The following DLEU7 variants were observed in gnomAD, a reference collection of about 807,000 sequenced individuals.
The protein encoded by DLEU7 is leukemia-associated protein 7.
In DLEU7, 17 loss-of-function variants were observed where a neutral mutation model predicts 16.0. The ratio of observed to expected loss-of-function variants is 1.06; its 90% CI spans 0.73 to 1.59. The LOEUF is 1.59. Ranked by LOEUF, DLEU7 falls within the 40% of genes most tolerant of loss-of-function variation. DLEU7 has a pLI of 0.00. For missense variants in DLEU7, 308 were observed against 314.9 expected (o/e 0.98, Z 0.17); for synonymous variants, 113 against 139.8 (o/e 0.81, Z 1.35).
intron 1 of DLEU7, chr13:50,807,882 A>G (rs1439805788): frequency 6.6e-6 from 1 of 152,200 alleles, no homozygotes; most frequent in Admixed American, 6.5e-5. Flanking sequence ...ATGAAGAGGC[A>G]TAAGGACTGA....
chr13:50,772,760 C>T (rs1335593304), intron 1 of DLEU7, among the ~76,000 whole-genome samples: 4 of 152,110 alleles, frequency 2.6e-5, no homozygotes, highest in African/African-American at 4.8e-5. Flanking sequence ...TTGCTCTTCT[C>T]GAGGAGTATC....
At chr13:50,756,571 G>A (rs975816208) in intron 1 of DLEU7, among the ~76,000 whole-genome samples, 1 of 152,128 alleles carries the variant, frequency 6.6e-6, no homozygotes, top group African/African-American at 2.4e-5. Flanking sequence ...ACTGTGACCC[G>A]CTAACAACCC....
intron 1 of DLEU7, among the ~76,000 whole-genome samples, chr13:50,752,394 C>T (rs900177862): frequency 6.6e-6 from 1 of 152,034 alleles, no homozygotes; most frequent in Admixed American, 6.6e-5. Flanking sequence ...TATGAACTTT[C>T]CACTTAGCAC....
At chr13:50,719,823 A>G (rs1873545269) in intron 1 of DLEU7, 1 of 152,176 alleles carries the variant, frequency 6.6e-6, no homozygotes, top group African/African-American at 2.4e-5. Flanking sequence ...AGAAAAATGG[A>G]ATGAATTGAA....
exon 2 of DLEU7, chr13:50,712,977 G>A (rs943492795): frequency 1.9e-6 from 1 of 518,776 alleles, no homozygotes; most frequent in Admixed American, 3.4e-5. Context: ...ATTACTTGGA[G>A]GTGAGAGAGG....
intron 1 of DLEU7, among the ~76,000 whole-genome samples, chr13:50,735,003 A>G (rs1030355453): frequency 6.6e-6 from 1 of 152,186 alleles, no homozygotes; most frequent in African/African-American, 2.4e-5. Flanking sequence ...TGTCATGACT[A>G]TATTAACATC....
At chr13:50,746,403 C>T (rs759804161) in intron 1 of DLEU7, among the ~76,000 whole-genome samples, 103 of 152,232 alleles carry the variant, frequency 6.8e-4, no homozygotes, top group Admixed American at 2.8e-3. Flanking sequence ...CTTTTACTTC[C>T]GAATCAGCTA....
At chr13:50,834,277 T>C (rs1464394308) in intron 1 of DLEU7, among the ~76,000 whole-genome samples, 10 of 152,156 alleles carry the variant, frequency 6.6e-5, no homozygotes. Context: ...GAGAAAATTT[T>C]TGCAATCTAT....
chr13:50,763,708 CT>C (rs549121110), intron 1 of DLEU7, among the ~76,000 whole-genome samples: 13 of 152,350 alleles, frequency 8.5e-5, no homozygotes, highest in South Asian at 2.1e-4. Flanking sequence ...CCAATCCTAG[CT>C]CCCGGATCTG....
At chr13:50,828,834 G>T (rs1377090353) in intron 1 of DLEU7, among the ~76,000 whole-genome samples, 1 of 152,186 alleles carries the variant, frequency 6.6e-6, no homozygotes, top group Non-Finnish European at 1.5e-5. Context: ...AGGACCACCT[G>T]CGAGCTAGGT....
intron 1 of DLEU7, among the ~76,000 whole-genome samples, chr13:50,765,449 G>A (rs1447970407): frequency 6.6e-6 from 1 of 152,028 alleles, no homozygotes; most frequent in Non-Finnish European, 1.5e-5. Context: ...AGAAGAGGAG[G>A]AAGGAGAAAG....
Position 50,822,926 on chromosome 13 carries a change from TTTAA to T in DLEU7, c.*384_*387del. On this transcript the variant is annotated 3_prime_UTR_variant, in exon 2 of 2. Coordinates refer to ENST00000504404, the MANE Select transcript of DLEU7 (RefSeq NM_001306135.2). The stretch of plus-strand genomic sequence containing the variant: ...AAGGTAATTTTAAGAACCATGGAAC[TTTAA>T]TTATATAAATAACCACATTAAACCC... 4.1e-6 allele frequency: 4 copies of T among 978,834 alleles called. No individual in the cohort carries two copies. The highest frequency in any genetic ancestry group is 4.9e-6 in the Non-Finnish European group (4 of 821,242). 60.6% of individuals were successfully genotyped at this position (978,834 alleles called of 1,614,324 possible). A position where few individuals can be genotyped will look rare whatever the true frequency, so the allele number is the denominator to read the frequency against.
intron 1 of DLEU7, among the ~76,000 whole-genome samples, chr13:50,810,117 G>T (rs1375076018): frequency 6.8e-6 from 1 of 147,720 alleles, no homozygotes; most frequent in Non-Finnish European, 1.5e-5. Flanking sequence ...GTTGGGGAAA[G>T]AGAGGAAACT....
At chr13:50,771,083 A>G (rs1169608292) in intron 1 of DLEU7, among the ~76,000 whole-genome samples, 1 of 152,124 alleles carries the variant, frequency 6.6e-6, no homozygotes, top group Non-Finnish European at 1.5e-5. Context: ...CTCTGATGGT[A>G]GTTTGTATTT....
At chr13:50,823,833 C>T (rs1876998509) in intron 1 of DLEU7, among the ~76,000 whole-genome samples, 2 of 152,302 alleles carry the variant, frequency 1.3e-5, no homozygotes, top group East Asian at 1.9e-4. Context: ...TTAACTGAGG[C>T]TATTGGAAAA....
At chr13:50,733,630 T>C (rs561310328) in intron 1 of DLEU7, among the ~76,000 whole-genome samples, 1 of 152,220 alleles carries the variant, frequency 6.6e-6, no homozygotes, top group Admixed American at 6.5e-5. Flanking sequence ...CACACACATT[T>C]CCTGTCTCAT....
chr13:50,767,844 C>T (rs974913547), intron 1 of DLEU7, among the ~76,000 whole-genome samples: 1 of 152,202 alleles, frequency 6.6e-6, no homozygotes, highest in East Asian at 1.9e-4. Context: ...GAAGGTCAAG[C>T]CTCCGTGATG....
chr13:50,819,428 C>T (rs1308651815), downstream of DLEU7, among the ~76,000 whole-genome samples: 11 of 152,058 alleles, frequency 7.2e-5, no homozygotes, highest in Non-Finnish European at 1.5e-4. Context: ...ATTGATCTAA[C>T]GTTTTTTACT....
chr13:50,814,065 A>T (rs1376473923), intron 1 of DLEU7, among the ~76,000 whole-genome samples: 1 of 152,180 alleles, frequency 6.6e-6, no homozygotes, highest in Non-Finnish European at 1.5e-5. Flanking sequence ...AGATTTTGAT[A>T]ATAGTCATTT....
Sources: gnomAD v4.1 joint callset for allele counts (sites outside exome capture counted in the v4.1 genomes callset) on GRCh38, gnomAD v4.1.1 for gene constraint, MANE v1.5 for transcripts, NCBI Gene and HGNC (gene_info 2026-07-23, HGNC 2026-07-21) for gene names.